The following B3GALT1 variants were observed in gnomAD, a reference collection of about 807,000 sequenced individuals.
B3GALT1 encodes UDP-Gal:betaGlcNAc beta 1,3-galactosyltransferase, polypeptide 1.
B3GALT1 carries 10 observed loss-of-function variants against 23.2 expected under a neutral mutation model. The ratio of observed to expected loss-of-function variants is 0.43; its 90% confidence interval spans 0.27 to 0.73. The LOEUF (loss-of-function observed/expected upper bound fraction) is 0.73. B3GALT1 is among the 30% of genes least tolerant of loss of function. The pLI is 0.21. For synonymous variants in B3GALT1, 156 were observed against 141.5 expected (o/e 1.10, Z -0.73); for missense variants, 299 against 405.4 (o/e 0.74, Z 2.25).
At chr2:167,467,872 G>A (rs913244941) in intron 1 of B3GALT1, among the ~76,000 whole-genome samples, 9 of 151,970 alleles carry the variant, frequency 5.9e-5, no homozygotes, top group South Asian at 2.1e-4. Context: ...AATATCTAGC[G>A]TGTGCCAGAC....
At chr2:167,458,159 C>G (rs1699199905) in intron 1 of B3GALT1, among the ~76,000 whole-genome samples, 1 of 152,130 alleles carries the variant, frequency 6.6e-6, no homozygotes, top group Non-Finnish European at 1.5e-5. Flanking sequence ...CACCACCCTA[C>G]TTTTTGTCTA....
At chr2:167,580,492 T>C (rs1684463681) in intron 2 of B3GALT1, among the ~76,000 whole-genome samples, 1 of 152,062 alleles carries the variant, frequency 6.6e-6, no homozygotes, top group Non-Finnish European at 1.5e-5. Flanking sequence ...CTTGGGACTT[T>C]AAGGAGAAAA....
intron 1 of B3GALT1, among the ~76,000 whole-genome samples, chr2:167,421,233 C>G (rs539530302): frequency 6.6e-6 from 1 of 152,150 alleles, no homozygotes; most frequent in Non-Finnish European, 1.5e-5. Flanking sequence ...GAATTCTGAT[C>G]TTTAGTTGTA....
intron 2 of B3GALT1, among the ~76,000 whole-genome samples, chr2:167,522,426 T>A (rs985370756): frequency 6.6e-6 from 1 of 152,124 alleles, no homozygotes; most frequent in Admixed American, 6.6e-5. Flanking sequence ...TAAAACCATA[T>A]ACCAGTGAAA....
chr2:167,869,812 C>T lies in B3GALT1; in HGVS notation c.773C>T (p.Thr258Ile), dbSNP rs745694418. The T allele has an allele frequency of 1.2e-6, 2 of 1,614,120 alleles. No homozygotes were observed. The highest frequency in any genetic ancestry group is 2.2e-5 in the East Asian group (1 of 44,864). Residue 258 changes from threonine to isoleucine, a missense_variant, in exon 5 of 5, where the codon ACA becomes ATA. Around this residue, in one of 3 missense-constraint regions of B3GALT1, gnomAD observed 133 missense variants for 204.8 expected, o/e 0.65. Transcript: ENST00000392690. The surrounding 1 kb of genome is among the most constrained non-coding windows in gnomAD (Gnocchi z 6.4). ...AELIYKTSLHTRLLHLEDVYV... is the reference protein window; with the variant it reads ...AELIYKTSLHIRLLHLEDVYV... ...CTCATTTACAAGACCTCACTCCACA[C>T]AAGGCTGCTTCACCTTGAAGACGTA...
chr2:167,716,120 G>GGA lies in B3GALT1; in HGVS notation c.-352+69157_-352+69158dup. 16 of 1,474,150 alleles carry GGA rather than the reference G, an allele frequency of 1.1e-5. 1 individual carries two copies. The South Asian group carries it at 1.9e-4, about 18-fold the overall frequency. The allele number at this position is 1,474,150 out of a possible 1,614,324, so 91.3% of individuals were successfully genotyped here. ...GTTAACACTGGCCACAACAAGCGGT[G>GGA]GAGAACACGCAGCCTTGGGTCTGGA... On this transcript the variant is annotated intron_variant, in intron 3 of 4. Transcript: ENST00000392690.
At position 167,300,054 on chromosome 2, in the gene B3GALT1, C is replaced by G. The variant is rs557895151; in HGVS notation, c.-511+6720C>G. Among the ~76,000 whole-genome samples the G allele has an allele frequency of 3.2e-3, 487 of 152,108 alleles. 5 individuals are homozygous for G. Among genetic ancestry groups the G allele is most frequent in the Non-Finnish European group, 5.4e-3 (368 of 68,000 alleles). ...AGTAGCTGGGATTACAGATTCCCGCCACCACGCCTGGCTATTTCTTTTGTA... is the reference window on the plus strand; with the variant it reads ...AGTAGCTGGGATTACAGATTCCCGCGACCACGCCTGGCTATTTCTTTTGTA... On this transcript the variant is annotated intron_variant, in intron 1 of 4. Coordinates refer to ENST00000392690, the MANE Select transcript of B3GALT1 (RefSeq NM_020981.4).
At chr2:167,745,992 A>G (rs551055068) in intron 3 of B3GALT1, among the ~76,000 whole-genome samples, 4 of 152,296 alleles carry the variant, frequency 2.6e-5, no homozygotes, top group East Asian at 1.9e-4. Context: ...TTATGTCTAC[A>G]TAATGGTATC....
intron 3 of B3GALT1, among the ~76,000 whole-genome samples, chr2:167,760,755 C>T (rs79110982): frequency 4.5e-4 from 68 of 152,122 alleles, no homozygotes; most frequent in Non-Finnish European, 8.5e-4. Flanking sequence ...TTGGCTTCTT[C>T]GTTAGTTTCT....
At chr2:167,507,463 G>A (rs528774203) in intron 2 of B3GALT1, among the ~76,000 whole-genome samples, 291 of 126,606 alleles carry the variant, frequency 2.3e-3, no homozygotes, top group Admixed American at 4.7e-3. Context: ...CCAAGATCGC[G>A]CCACTGCACT....
chr2:167,622,047 CATATT>C (rs1278578230), intron 2 of B3GALT1, among the ~76,000 whole-genome samples: 2 of 152,076 alleles, frequency 1.3e-5, no homozygotes, highest in African/African-American at 4.8e-5. Flanking sequence ...CATACATAAA[CATATT>C]ATATCATACA....
intron 1 of B3GALT1, among the ~76,000 whole-genome samples, chr2:167,430,690 G>A (rs549236842): frequency 6.6e-6 from 1 of 152,284 alleles, no homozygotes; most frequent in Admixed American, 6.5e-5. Flanking sequence ...GAAGAATGGA[G>A]TTGATACTAA....
chr2:167,395,694 A>G (rs1448871422), intron 1 of B3GALT1, among the ~76,000 whole-genome samples: 8 of 152,196 alleles, frequency 5.3e-5, no homozygotes, highest in Admixed American at 5.2e-4. Context: ...AAATTAATAC[A>G]AGGTGTCTAC....
intron 1 of B3GALT1, among the ~76,000 whole-genome samples, chr2:167,378,786 A>G (rs1018900211): frequency 4.6e-5 from 7 of 152,096 alleles, no homozygotes; most frequent in Admixed American, 4.6e-4. Context: ...GCTTCCTTGC[A>G]ATCCATGCAT....
At position 167,532,610 on chromosome 2, in the gene B3GALT1, A is replaced by C. The variant is rs777808026; in HGVS notation, c.-410+42333A>C. Among the ~76,000 whole-genome samples the C allele has an allele frequency of 2.7e-4, 31 of 115,758 alleles. No individual in the cohort carries two copies. The East Asian group carries it at 5.1e-3, about 19-fold the overall frequency. The allele number at this position is 115,758 out of a possible 152,430, so 75.9% of individuals were successfully genotyped here. A position where few individuals can be genotyped will look rare whatever the true frequency, so the allele number is the denominator to read the frequency against. On this transcript the variant is annotated intron_variant, in intron 2 of 4. Transcript: ENST00000392690. ...CATTAGCTTCTCTTAGTTTTTGGAA[A>C]AGGAGAAAAAAAAATAACGTTCATA...
chr2:167,447,691 G>A (rs150421007), intron 1 of B3GALT1, among the ~76,000 whole-genome samples: 2,649 of 152,204 alleles, frequency 0.017, 84 homozygotes, highest in African/African-American at 0.061. Flanking sequence ...CTGGTGTGCC[G>A]TTTGCTAAGA....
chr2:167,525,094 A>G (rs907627008), intron 2 of B3GALT1, among the ~76,000 whole-genome samples: 1 of 152,032 alleles, frequency 6.6e-6, no homozygotes, highest in Non-Finnish European at 1.5e-5. Context: ...AATGGTAGGT[A>G]TATTTTCAGT....
chr2:167,827,306 T>C (rs1362677414), intron 4 of B3GALT1, among the ~76,000 whole-genome samples: 2 of 152,274 alleles, frequency 1.3e-5, no homozygotes, highest in African/African-American at 4.8e-5. Flanking sequence ...GTAAGCAGGG[T>C]ACAAGGTGGT....
chr2:167,348,424 A>C (rs1264701023), intron 1 of B3GALT1, among the ~76,000 whole-genome samples: 1 of 152,184 alleles, frequency 6.6e-6, no homozygotes, highest in Non-Finnish European at 1.5e-5. Flanking sequence ...ATTTTCATGC[A>C]TAGATAAAAC....
Sources: allele counts gnomAD v4.1 joint callset (sites outside exome capture counted in the v4.1 genomes callset), GRCh38; gene constraint gnomAD v4.1.1; regional missense constraint gnomAD v4.1.1; non-coding constraint Gnocchi (gnomAD v3.1); transcripts MANE v1.5; gene names NCBI Gene and HGNC (gene_info 2026-07-23, HGNC 2026-07-21).